The following KCNAB1 variants were observed in gnomAD, a reference collection of about 807,000 sequenced individuals.
The protein encoded by KCNAB1 is voltage-gated potassium channel subunit beta-1.
In KCNAB1, 35 loss-of-function variants were observed where a neutral mutation model predicts 64.6. That is an observed-to-expected ratio of 0.54 (90% CI 0.41 to 0.72). KCNAB1 has a LOEUF of 0.72. KCNAB1 is among the 30% of genes least tolerant of loss of function. The pLI is 0.00. For missense variants in KCNAB1, 401 were observed against 512.9 expected (o/e 0.78, Z 2.11); for synonymous variants, 177 against 183.8 (o/e 0.96, Z 0.30).
At chr3:156,155,404 A>G (rs1463414513) in intron 1 of KCNAB1, among the ~76,000 whole-genome samples, 1 of 152,254 alleles carries the variant, frequency 6.6e-6, no homozygotes, top group East Asian at 1.9e-4. Context: ...AATTTATAAT[A>G]CTTTAGAAGC....
At chr3:156,331,426 TG>T (rs1158337742) in intron 1 of KCNAB1, among the ~76,000 whole-genome samples, 1 of 152,148 alleles carries the variant, frequency 6.6e-6, no homozygotes, top group Non-Finnish European at 1.5e-5. Flanking sequence ...TAACAGTGCA[TG>T]GCAAAATGAG....
chr3:156,370,860 C>T (rs1726257779), intron 1 of KCNAB1, among the ~76,000 whole-genome samples: 1 of 152,208 alleles, frequency 6.6e-6, no homozygotes, highest in African/African-American at 2.4e-5. Context: ...AACCGCCTTA[C>T]ACATGGAAAC....
At chr3:156,262,558 A>C (rs945826982) in intron 1 of KCNAB1, among the ~76,000 whole-genome samples, 1 of 151,746 alleles carries the variant, frequency 6.6e-6, no homozygotes, top group African/African-American at 2.4e-5. Context: ...TCCTTTTACA[A>C]GTCGCTGGAT....
chr3:156,159,368 T>C (rs555633938), intron 1 of KCNAB1, among the ~76,000 whole-genome samples: 2 of 152,304 alleles, frequency 1.3e-5, no homozygotes, highest in African/African-American at 4.8e-5. Flanking sequence ...AGAAATCTTA[T>C]CTAACTAAAA....
At chr3:156,357,159 G>GCGCACACACACACA (rs545909634) in intron 1 of KCNAB1, among the ~76,000 whole-genome samples, 70 of 147,400 alleles carry the variant, frequency 4.7e-4, no homozygotes, top group African/African-American at 1.4e-3. Flanking sequence ...ACATGTGCGC[G>GCGCACACACACACA]CACACACACA....
At chr3:156,129,278 A>G (rs1323777692) in intron 1 of KCNAB1, among the ~76,000 whole-genome samples, 2 of 152,184 alleles carry the variant, frequency 1.3e-5, no homozygotes, top group Non-Finnish European at 2.9e-5. Context: ...TCCATATCGA[A>G]GGTCAACCTT....
intron 1 of KCNAB1, among the ~76,000 whole-genome samples, chr3:156,342,443 TACAAA>T: frequency 6.6e-6 from 1 of 152,088 alleles, no homozygotes; most frequent in African/African-American, 2.4e-5. Context: ...TAGTTCCCAA[TACAAA>T]GTTAGTCAGC....
At chr3:156,136,235 G>A (rs1441384680) in intron 1 of KCNAB1, among the ~76,000 whole-genome samples, 1 of 152,162 alleles carries the variant, frequency 6.6e-6, no homozygotes, top group Non-Finnish European at 1.5e-5. Context: ...CATTTATTGA[G>A]CCATTTATTC....
intron 3 of KCNAB1, among the ~76,000 whole-genome samples, chr3:156,456,494 G>A (rs1712439438): frequency 1.3e-5 from 2 of 152,184 alleles, no homozygotes; most frequent in Non-Finnish European, 2.9e-5. Context: ...ATTAAAAGCA[G>A]TAATAGCATA....
chr3:156,398,352 G>T (rs1392202550), intron 1 of KCNAB1, among the ~76,000 whole-genome samples: 1 of 152,176 alleles, frequency 6.6e-6, no homozygotes, highest in African/African-American at 2.4e-5. Flanking sequence ...CAGCACTTTG[G>T]GAGGCCGAGG....
chr3:156,351,840 T>C (rs772305652), intron 1 of KCNAB1, among the ~76,000 whole-genome samples: 23 of 152,180 alleles, frequency 1.5e-4, no homozygotes, highest in Non-Finnish European at 1.5e-4. Flanking sequence ...CTGCCTCCCC[T>C]CTTTTGGGGA....
At chr3:156,238,283 A>G (rs1053210564) in intron 1 of KCNAB1, among the ~76,000 whole-genome samples, 1 of 151,998 alleles carries the variant, frequency 6.6e-6, no homozygotes, top group Non-Finnish European at 1.5e-5. Context: ...TTAGCTGGCC[A>G]TGGTGGTGGG....
chr3:156,136,025 A>G (rs549557160), intron 1 of KCNAB1, among the ~76,000 whole-genome samples: 72 of 152,350 alleles, frequency 4.7e-4, no homozygotes, highest in African/African-American at 1.7e-3. Flanking sequence ...CATGCAGCCC[A>G]TAACATTGAA....
At chr3:156,456,493 A>G (rs1234942466) in intron 3 of KCNAB1, among the ~76,000 whole-genome samples, 1 of 152,272 alleles carries the variant, frequency 6.6e-6, no homozygotes, top group African/African-American at 2.4e-5. Flanking sequence ...AATTAAAAGC[A>G]GTAATAGCAT....
At chr3:156,290,778 C>T (rs767127844) in intron 1 of KCNAB1, among the ~76,000 whole-genome samples, 23 of 152,194 alleles carry the variant, frequency 1.5e-4, no homozygotes, top group Non-Finnish European at 2.8e-4. Flanking sequence ...GCTGCCCCTC[C>T]CCCATCCCAG....
At chr3:156,330,954 C>G (rs769521269) in intron 1 of KCNAB1, among the ~76,000 whole-genome samples, 1 of 152,120 alleles carries the variant, frequency 6.6e-6, no homozygotes, top group Non-Finnish European at 1.5e-5. Context: ...ATTAAAACTA[C>G]TTTCTAAAAA....
At chr3:156,351,867 A>G (rs995234946) in intron 1 of KCNAB1, among the ~76,000 whole-genome samples, 2 of 152,170 alleles carry the variant, frequency 1.3e-5, no homozygotes, top group East Asian at 3.9e-4. Flanking sequence ...CACAGAGCCA[A>G]GGTGAGTTTA....
intron 1 of KCNAB1, among the ~76,000 whole-genome samples, chr3:156,318,478 C>G (rs1318017720): frequency 6.6e-6 from 1 of 152,014 alleles, no homozygotes; most frequent in South Asian, 2.1e-4. Context: ...GAATATGGAC[C>G]CTATGCTGCC....
chr3:156,511,849 G>C (rs1236460031), intron 8 of KCNAB1, among the ~76,000 whole-genome samples: 1 of 152,100 alleles, frequency 6.6e-6, no homozygotes, highest in Non-Finnish European at 1.5e-5. Flanking sequence ...ACATACAAAT[G>C]ACATGGTTTG....
Sources: allele counts gnomAD v4.1 joint callset (sites outside exome capture counted in the v4.1 genomes callset), GRCh38; gene constraint gnomAD v4.1.1; transcripts MANE v1.5; gene names NCBI Gene and HGNC (gene_info 2026-07-23, HGNC 2026-07-21).